The following ADGRL2 variants were observed in gnomAD, a reference collection of about 807,000 sequenced individuals.
The protein encoded by ADGRL2 is calcium-independent alpha-latrotoxin receptor 2.
ADGRL2 carries 44 observed loss-of-function variants against 157.4 expected under a neutral mutation model. That is an observed-to-expected ratio of 0.28 (90% confidence interval 0.22 to 0.36). The LOEUF is 0.36. ADGRL2 is among the 10% of genes least tolerant of loss of function. The pLI is 1.00. For synonymous variants in ADGRL2, 585 were observed against 624.7 expected (o/e 0.94, Z 0.95); for missense variants, 1,510 against 1,768.9 (o/e 0.85, Z 2.63).
intron 3 of ADGRL2, among the ~76,000 whole-genome samples, chr1:81,584,637 TA>T (rs1337043318): frequency 6.6e-6 from 1 of 152,170 alleles, no homozygotes; most frequent in Non-Finnish European, 1.5e-5. Context: ...CGCTTTTCTT[TA>T]AAAGTGATGC....
chr1:81,783,746 GAT>G (rs1374230844), intron 2 of ADGRL2, among the ~76,000 whole-genome samples: 1 of 152,142 alleles, frequency 6.6e-6, no homozygotes, highest in African/African-American at 2.4e-5. Context: ...CAGGAAGTAA[GAT>G]AGAATATTCA....
chr1:81,887,283 A>G (rs986581300), intron 2 of ADGRL2, among the ~76,000 whole-genome samples: 1 of 152,306 alleles, frequency 6.6e-6, no homozygotes, highest in African/African-American at 2.4e-5. Context: ...AGTGCCTAAC[A>G]TGAACTAGTT....
At chr1:81,326,141 A>G (rs1469240547) in intron 1 of ADGRL2, among the ~76,000 whole-genome samples, 1 of 152,178 alleles carries the variant, frequency 6.6e-6, no homozygotes, top group East Asian at 1.9e-4. Context: ...CAGCCACACA[A>G]CTAAGCATCC....
At chr1:81,669,939 T>A (rs2082837934) in intron 3 of ADGRL2, among the ~76,000 whole-genome samples, 1 of 103,416 alleles carries the variant, frequency 9.7e-6, no homozygotes, top group Admixed American at 1.1e-4. Context: ...TGAGACTACG[T>A]CTCAAAAAAA....
chr1:81,611,283 A>T (rs2081536449), intron 3 of ADGRL2, among the ~76,000 whole-genome samples: 1 of 152,220 alleles, frequency 6.6e-6, no homozygotes, highest in Admixed American at 6.5e-5. Flanking sequence ...AAGATATGGG[A>T]TCAAATTCTG....
chr1:81,874,867 G>T (rs780869815), intron 2 of ADGRL2, among the ~76,000 whole-genome samples: 1 of 151,776 alleles, frequency 6.6e-6, no homozygotes, highest in Non-Finnish European at 1.5e-5. Flanking sequence ...CACTGTGCCC[G>T]GCTAATTTTT....
intron 3 of ADGRL2, among the ~76,000 whole-genome samples, chr1:81,619,275 C>T (rs1570654795): frequency 6.9e-6 from 1 of 145,712 alleles, no homozygotes. Flanking sequence ...ACAGTTGTGG[C>T]TTTTTTTTTT....
chr1:81,307,622 T>C (rs1311835146), intron 1 of ADGRL2, among the ~76,000 whole-genome samples: 1 of 152,120 alleles, frequency 6.6e-6, no homozygotes, highest in Non-Finnish European at 1.5e-5. Flanking sequence ...TTATATAAGA[T>C]AGAATTGAAC....
At chr1:81,602,192 G>A (rs894306425) in intron 3 of ADGRL2, among the ~76,000 whole-genome samples, 3 of 152,248 alleles carry the variant, frequency 2.0e-5, no homozygotes, top group African/African-American at 7.2e-5. Context: ...AGGCACAGTG[G>A]CTCACACCTA....
intron 23 of ADGRL2, among the ~76,000 whole-genome samples, chr1:81,989,504 A>G (rs1406544611): frequency 6.6e-6 from 1 of 152,202 alleles, no homozygotes; most frequent in East Asian, 1.9e-4. Flanking sequence ...ATTAGTACCA[A>G]ATACTCAAAA....
chr1:81,837,820 C>T (rs1244644228), intron 2 of ADGRL2, among the ~76,000 whole-genome samples: 1 of 151,840 alleles, frequency 6.6e-6, no homozygotes, highest in African/African-American at 2.4e-5. Context: ...GAAAACAACA[C>T]ACATGCAGGT....
At chr1:81,371,259 T>C (rs1264096601) in intron 1 of ADGRL2, among the ~76,000 whole-genome samples, 1 of 152,154 alleles carries the variant, frequency 6.6e-6, no homozygotes, top group African/African-American at 2.4e-5. Context: ...CAGTGTTCTG[T>C]GCAAATTAGG....
At chr1:81,504,745 C>A (rs1279740480) in intron 2 of ADGRL2, among the ~76,000 whole-genome samples, 4 of 152,126 alleles carry the variant, frequency 2.6e-5, no homozygotes, top group East Asian at 1.9e-4. Flanking sequence ...TGCCACACCC[C>A]CACCCCCAGC....
At chr1:81,984,739 A>G in intron 20 of ADGRL2, 28 bp downstream of exon 20, 3 of 1,610,148 alleles carry the variant, frequency 1.9e-6, no homozygotes, top group Non-Finnish European at 2.5e-6. Context: ...AGCATCTTTA[A>G]TTAACCTTAT....
intron 3 of ADGRL2, among the ~76,000 whole-genome samples, chr1:81,605,935 C>T (rs1438658735): frequency 1.3e-5 from 2 of 152,126 alleles, no homozygotes; most frequent in Non-Finnish European, 2.9e-5. Context: ...AATTTTAAAA[C>T]TTCTGCAAGA....
chr1:81,511,735 T>C lies in ADGRL2; in HGVS notation c.-248+66646T>C, dbSNP rs550456690. On this transcript the variant is annotated intron_variant, in intron 2 of 24. Transcript: ENST00000370721. ...AAGTGAGTCAAAAGCAAATCATGTT[T>C]CATGTGAATATTGGACTTTGACACT... 7.2e-5 allele frequency among the ~76,000 whole-genome samples: 11 copies of C among 152,272 alleles called. No individual in the cohort carries two copies. In the South Asian group the frequency reaches 2.3e-3, roughly 32 times the overall value.
chr1:81,504,907 G>A (rs762614845), intron 2 of ADGRL2, among the ~76,000 whole-genome samples: 28 of 152,302 alleles, frequency 1.8e-4, no homozygotes, highest in Non-Finnish European at 3.4e-4. Context: ...GACCCTGCGC[G>A]GGAGCAGGCG....
chr1:81,665,816 A>C (rs2082739660), intron 3 of ADGRL2, among the ~76,000 whole-genome samples: 1 of 152,096 alleles, frequency 6.6e-6, no homozygotes, highest in South Asian at 2.1e-4. Context: ...AATGATGTTT[A>C]TGTCAATAAC....
intron 1 of ADGRL2, among the ~76,000 whole-genome samples, chr1:81,733,089 CA>C (rs199788053): frequency 0.012 from 1,801 of 152,246 alleles, 42 homozygotes; most frequent in African/African-American, 0.042. Context: ...GACAATCAAA[CA>C]AAAGTTTGCT....
Sources: gnomAD v4.1 joint callset for allele counts (sites outside exome capture counted in the v4.1 genomes callset) on GRCh38, gnomAD v4.1.1 for gene constraint, MANE v1.5 for transcripts, NCBI Gene and HGNC (gene_info 2026-07-23, HGNC 2026-07-21) for gene names.